Variants in TOX2 observed in about 807,000 individuals in gnomAD.
The protein encoded by TOX2 is granulosa cell HMG box 1.
A neutral mutation model predicts 47.4 loss-of-function variants in TOX2; 15 were observed. That is an observed-to-expected ratio of 0.32 (90% CI 0.21 to 0.49). TOX2 has a LOEUF of 0.49. TOX2 is among the 20% of genes least tolerant of loss of function. The pLI is 0.99. For missense variants in TOX2, 622 were observed against 673.1 expected (o/e 0.92, Z 0.84); for synonymous variants, 290 against 296.6 (o/e 0.98, Z 0.23).
chr20:43,970,088 T>G (rs75380837), intron 1 of TOX2, among the ~76,000 whole-genome samples: 6,163 of 152,182 alleles, frequency 0.04, 381 homozygotes, highest in African/African-American at 0.13. Flanking sequence ...GACTATTGAT[T>G]ATATAGTAGG....
chr20:43,958,658 G>A (rs1239384250), intron 1 of TOX2, among the ~76,000 whole-genome samples: 1 of 152,258 alleles, frequency 6.6e-6, no homozygotes, highest in African/African-American at 2.4e-5. Flanking sequence ...AGGTGCTGAG[G>A]TCAGGGCTTG....
chr20:43,963,598 G>A (rs547349730), intron 1 of TOX2, among the ~76,000 whole-genome samples: 3 of 152,286 alleles, frequency 2.0e-5, no homozygotes, highest in South Asian at 2.1e-4. Context: ...TAAACTTTCC[G>A]GGCCTCTGTG....
chr20:43,971,327 AC>A (rs1480209085), intron 1 of TOX2, among the ~76,000 whole-genome samples: 1 of 152,226 alleles, frequency 6.6e-6, no homozygotes, highest in East Asian at 1.9e-4. Context: ...CTAGAAGGTA[AC>A]AGGGACTTCG....
At chr20:43,940,117 G>C (rs1220239341) in intron 1 of TOX2, among the ~76,000 whole-genome samples, 2 of 152,110 alleles carry the variant, frequency 1.3e-5, no homozygotes, top group African/African-American at 4.8e-5. Flanking sequence ...CTAGGAGCTT[G>C]GTGCAGAGCT....
At chr20:44,068,559 T>TG (rs2071876763) in intron 8 of TOX2, 91 bp from the exon 9 acceptor site, 1 of 1,155,198 alleles carries the variant, frequency 8.7e-7, no homozygotes, top group Non-Finnish European at 1.1e-6. Context: ...AATCCAGGGG[T>TG]GGGGGTGGGG....
intron 1 of TOX2, chr20:43,945,798 CG>C (rs1246918369): frequency 6.9e-7 from 1 of 1,439,404 alleles, no homozygotes; most frequent in Admixed American, 1.9e-5. Flanking sequence ...TCACCTTATA[CG>C]AATGGGATGG....
At chr20:43,924,631 C>CA (rs1444817553) in intron 1 of TOX2, among the ~76,000 whole-genome samples, 4 of 152,202 alleles carry the variant, frequency 2.6e-5, no homozygotes, top group African/African-American at 9.7e-5. Context: ...ACTGAGCTCC[C>CA]AGGAAGCTCA....
intron 3 of TOX2, among the ~76,000 whole-genome samples, chr20:44,017,503 G>T (rs989022293): frequency 7.2e-5 from 11 of 152,144 alleles, no homozygotes; most frequent in African/African-American, 2.7e-4. Context: ...AGAACATCAC[G>T]ATGGCCAGCC....
At chr20:43,990,142 C>T (rs2070343216) in intron 2 of TOX2, among the ~76,000 whole-genome samples, 1 of 152,178 alleles carries the variant, frequency 6.6e-6, no homozygotes, top group Admixed American at 6.5e-5. Flanking sequence ...TGAAGATTAA[C>T]AAATTCATGT....
rs1235698379 is a variant in TOX2 at position 44,065,996 on chromosome 20, C to T, written c.1245C>T (p.Ala415=). ...QLSLPPHAQG[A]LLSPPVSMSP... ...CACTGCCCCCTCACGCCCAGGGCGC[C>T]CTCCTCAGTCCACCTGTTAGCATGT... Residue 415 remains alanine (A), a synonymous_variant, in exon 7 of 9, where the codon GCC becomes GCT. Coordinates refer to ENST00000341197, the MANE Select transcript of TOX2 (RefSeq NM_001098797.2). 1 of 1,612,960 alleles carries T rather than the reference C, an allele frequency of 6.2e-7. No homozygotes were observed. Among genetic ancestry groups the T allele is most frequent in the South Asian group, 1.1e-5 (1 of 91,000 alleles).
intron 3 of TOX2, among the ~76,000 whole-genome samples, chr20:44,040,619 A>G (rs1488975251): frequency 6.6e-6 from 1 of 152,160 alleles, no homozygotes; most frequent in Non-Finnish European, 1.5e-5. Context: ...TTGTGATTAA[A>G]TGAGTCATAA....
intron 2 of TOX2, among the ~76,000 whole-genome samples, chr20:43,988,537 C>T (rs1212833006): frequency 6.6e-6 from 1 of 152,224 alleles, no homozygotes; most frequent in Non-Finnish European, 1.5e-5. Context: ...GACTCTTGGG[C>T]TAGTGTGAGC....
At chr20:43,937,044 G>T (rs915235462) in intron 1 of TOX2, among the ~76,000 whole-genome samples, 1 of 152,178 alleles carries the variant, frequency 6.6e-6, no homozygotes, top group Admixed American at 6.5e-5. Context: ...ATCACATGAT[G>T]AAACATAACT....
At chr20:43,954,297 G>T (rs781755993) in intron 1 of TOX2, among the ~76,000 whole-genome samples, 3 of 152,108 alleles carry the variant, frequency 2.0e-5, no homozygotes, top group Non-Finnish European at 4.4e-5. Context: ...TCTCTTCTGG[G>T]CTCCCTCAGT....
At chr20:43,976,085 T>A (rs993020072) in intron 2 of TOX2, among the ~76,000 whole-genome samples, 5 of 152,268 alleles carry the variant, frequency 3.3e-5, no homozygotes, top group African/African-American at 1.2e-4. Flanking sequence ...TGAGCCAATC[T>A]TAATGTGAAC....
At chr20:44,061,391 C>T (rs1167320082) in intron 5 of TOX2, among the ~76,000 whole-genome samples, 2 of 152,126 alleles carry the variant, frequency 1.3e-5, no homozygotes, top group Non-Finnish European at 2.9e-5. Flanking sequence ...CAGGAAAGGA[C>T]ATAACAACAA....
intron 1 of TOX2, among the ~76,000 whole-genome samples, chr20:43,967,705 CCATT>C (rs1181696345): frequency 1.3e-5 from 2 of 152,242 alleles, no homozygotes; most frequent in South Asian, 2.1e-4. Flanking sequence ...CATTAATAAA[CCATT>C]CATTAATAAT....
chr20:43,920,627 T>A (rs1051337045), intron 1 of TOX2, among the ~76,000 whole-genome samples: 1 of 152,156 alleles, frequency 6.6e-6, no homozygotes, highest in African/African-American at 2.4e-5. Context: ...GACCCCAGGA[T>A]GTTTGCATGG....
In TOX2 at chr20:44,069,074, G is replaced by A. The variant is rs181082783; in HGVS notation, c.*388G>A. 115 of 389,962 alleles carry A rather than the reference G, an allele frequency of 2.9e-4. 1 individual carries two copies. In the East Asian group the frequency reaches 5.8e-3, roughly 20 times the overall value. The allele number at this position is 389,962 out of a possible 1,614,324, so 24.2% of individuals were successfully genotyped here. On this transcript the variant is annotated 3_prime_UTR_variant, in exon 9 of 9. Coordinates refer to ENST00000341197, the MANE Select transcript of TOX2 (RefSeq NM_001098797.2). ...CCCACCCCAGATGCATGGGCCAGAG[G>A]GCCGGCCCCCGGCATAGATGTGCAC...
Sources: allele counts gnomAD v4.1 joint callset (sites outside exome capture counted in the v4.1 genomes callset), GRCh38; gene constraint gnomAD v4.1.1; transcripts MANE v1.5; gene names NCBI Gene and HGNC (gene_info 2026-07-23, HGNC 2026-07-21).